The following TENT2 variants were observed in gnomAD, a reference collection of about 807,000 sequenced individuals.
TENT2 encodes the protein terminal nucleotidyltransferase 2.
A neutral mutation model predicts 72.2 loss-of-function variants in TENT2; 44 were observed. That is an observed-to-expected ratio of 0.61 (90% CI 0.48 to 0.78). The LOEUF (loss-of-function observed/expected upper bound fraction) is 0.78, where lower values mean the gene tolerates loss of function less well. Among genes scored for constraint, TENT2 ranks in the 30% least tolerant of loss-of-function variants. The probability of loss-of-function intolerance (pLI) is 0.00; values close to 1 mark genes in which losing one functional copy is unlikely to be tolerated. For synonymous variants in TENT2, 212 were observed against 192.5 expected, an observed-to-expected ratio of 1.10 and a Z score of -0.84; for missense variants, 541 against 569.6, an observed-to-expected ratio of 0.95 and a Z score of 0.51.
chr5:79,637,126 T>TG (rs547210877), intron 4 of TENT2, among the ~76,000 whole-genome samples: 10 of 152,254 alleles, frequency 6.6e-5, no homozygotes, highest in Non-Finnish European at 1.2e-4. Context: ...CCCAGCTACT[T>TG]GCAGGGCTGA....
At chr5:79,653,482 C>T (rs1222137091) in intron 10 of TENT2, among the ~76,000 whole-genome samples, 1 of 152,102 alleles carries the variant, frequency 6.6e-6, no homozygotes, top group Admixed American at 6.6e-5. Context: ...AGCAGAGTGA[C>T]TGTGTCTTAA....
intron 6 of TENT2, among the ~76,000 whole-genome samples, chr5:79,642,095 A>G (rs1784916833): frequency 6.6e-6 from 1 of 152,054 alleles, no homozygotes; most frequent in Non-Finnish European, 1.5e-5. Flanking sequence ...ACCAATGATT[A>G]ATTAAGCTCA....
intron 4 of TENT2, among the ~76,000 whole-genome samples, chr5:79,632,202 T>A (rs1776110633): frequency 1.3e-5 from 2 of 152,160 alleles, no homozygotes; most frequent in Admixed American, 1.3e-4. Context: ...TAATAGTGAG[T>A]CAGTCAGCTG....
At chr5:79,654,152 C>G (rs955004615) in intron 10 of TENT2, among the ~76,000 whole-genome samples, 1 of 152,128 alleles carries the variant, frequency 6.6e-6, no homozygotes, top group Non-Finnish European at 1.5e-5. Context: ...AAAAAGGAGG[C>G]CGGGCACGGT....
chr5:79,646,257 T>G (rs1788902954), intron 8 of TENT2, among the ~76,000 whole-genome samples: 1 of 152,184 alleles, frequency 6.6e-6, no homozygotes, highest in Non-Finnish European at 1.5e-5. Context: ...AGGCATGAGT[T>G]ATAGTACTCT....
chr5:79,618,828 T>C (rs573411752), intron 1 of TENT2, among the ~76,000 whole-genome samples: 1 of 152,340 alleles, frequency 6.6e-6, no homozygotes, highest in Non-Finnish European at 1.5e-5. Context: ...TGTTCTCTTG[T>C]TACTACGTTA....
intron 4 of TENT2, among the ~76,000 whole-genome samples, chr5:79,634,598 C>G (rs1255306545): frequency 6.6e-6 from 1 of 152,122 alleles, no homozygotes; most frequent in Admixed American, 6.6e-5. Context: ...CTTGGCCTCC[C>G]AGAGTGCTGG....
At chr5:79,631,738 T>C (rs550747962) in intron 4 of TENT2, among the ~76,000 whole-genome samples, 1 of 152,182 alleles carries the variant, frequency 6.6e-6, no homozygotes, top group Admixed American at 6.5e-5. Context: ...GTGGGGAAGA[T>C]TCATAGAGAG....
chr5:79,671,710 A>G (rs1297232080), intron 12 of TENT2, among the ~76,000 whole-genome samples: 1 of 152,142 alleles, frequency 6.6e-6, no homozygotes, highest in African/African-American at 2.4e-5. Context: ...CGCCTAGCCA[A>G]AAGTTCTTTT....
At chr5:79,660,671 C>G (rs1012378184) in intron 11 of TENT2, among the ~76,000 whole-genome samples, 2 of 152,142 alleles carry the variant, frequency 1.3e-5, no homozygotes, top group African/African-American at 2.4e-5. Flanking sequence ...ATAGTGGTCT[C>G]ATAAGATGGT....
At chr5:79,659,851 T>TTTG (rs1025799752) in intron 11 of TENT2, among the ~76,000 whole-genome samples, 10 of 150,394 alleles carry the variant, frequency 6.6e-5, no homozygotes, top group Non-Finnish European at 4.4e-5. Flanking sequence ...TTACATTTTA[T>TTTG]TTGTATACAT....
chr5:79,683,911 G>A (rs1284455455), intron 14 of TENT2, among the ~76,000 whole-genome samples: 66 of 100,000 alleles, frequency 6.6e-4, no homozygotes, highest in Admixed American at 1.3e-3. Context: ...GCGACAGAGC[G>A]AGACTCCGTC....
intron 12 of TENT2, 52 bp from the exon 13 acceptor site, chr5:79,679,526 TA>T: frequency 7.5e-7 from 1 of 1,339,394 alleles, no homozygotes; most frequent in African/African-American, 1.5e-5. Context: ...ATAAAAATAA[TA>T]TAAGAGAAAT....
At chr5:79,666,244 C>CT (rs778777157) in intron 11 of TENT2, among the ~76,000 whole-genome samples, 17 of 141,244 alleles carry the variant, frequency 1.2e-4, no homozygotes, top group Admixed American at 2.1e-4. Flanking sequence ...TCGCCTCGGC[C>CT]TCCTGAAGTG....
chr5:79,645,860 C>T (rs1161124892), intron 8 of TENT2, among the ~76,000 whole-genome samples: 1 of 152,104 alleles, frequency 6.6e-6, no homozygotes, highest in African/African-American at 2.4e-5. Context: ...CACACACACA[C>T]ATTGTTGATC....
At chr5:79,654,071 C>A (rs1367416709) in intron 10 of TENT2, among the ~76,000 whole-genome samples, 4 of 152,148 alleles carry the variant, frequency 2.6e-5, no homozygotes, top group Non-Finnish European at 5.9e-5. Context: ...ACTACAGATA[C>A]TTGAAAGATG....
intron 3 of TENT2, chr5:79,620,452 G>C (rs892891145): frequency 6.3e-6 from 1 of 158,712 alleles, no homozygotes; most frequent in African/African-American, 2.4e-5. Context: ...CCATAACAAC[G>C]TACCACACAT....
In TENT2 at chr5:79,633,432, GTTTTTTT is replaced by G. The variant is rs539713889; in HGVS notation, c.466-7400_466-7394del. Among the ~76,000 whole-genome samples, 591 of 80,372 alleles carry G rather than the reference GTTTTTTT, an allele frequency of 7.4e-3. 2 individuals are homozygous for G. Among genetic ancestry groups the G allele is most frequent in the South Asian group, 0.027 (54 of 1,996 alleles). 52.7% of individuals were successfully genotyped at this position (80,372 alleles called of 152,430 possible). A position where few individuals can be genotyped will look rare whatever the true frequency, so the allele number is the denominator to read the frequency against. ...AGGTCTCGGTATTTCCAGCTAAAAA[GTTTTTTT>G]TTTTTTTTTTTTTTTTTTGAGACAG... On this transcript the variant is annotated intron_variant, in intron 4 of 14. Coordinates refer to ENST00000453514, the MANE Select transcript of TENT2 (RefSeq NM_001114394.3).
At chr5:79,644,561 C>T (rs760407424) in intron 7 of TENT2, 1 of 152,064 alleles carries the variant, frequency 6.6e-6, no homozygotes, top group Non-Finnish European at 1.5e-5. Flanking sequence ...TAATACATAT[C>T]TGTATGTGTA....
Sources: gnomAD v4.1 joint callset for allele counts (sites outside exome capture counted in the v4.1 genomes callset) on GRCh38, gnomAD v4.1.1 for gene constraint, MANE v1.5 for transcripts, NCBI Gene and HGNC (gene_info 2026-07-23, HGNC 2026-07-21) for gene names.